Variants in IL23R observed in about 807,000 individuals in gnomAD.
The protein encoded by IL23R is interleukin 23 receptor, also known as interleukin-23 receptor.
A neutral mutation model predicts 56.9 loss-of-function variants in IL23R; 34 were observed. That is an observed-to-expected ratio of 0.60 (90% CI 0.45 to 0.80). The LOEUF is 0.80. Ranked by LOEUF, IL23R falls within the 30% of genes least tolerant of loss-of-function variation. The pLI, the probability that IL23R is intolerant of heterozygous loss-of-function variation, is 0.00. For synonymous variants in IL23R, 230 were observed against 249.2 expected (o/e 0.92, Z 0.73); for missense variants, 635 against 730.0 (o/e 0.87, Z 1.50).
rs1283342977 is a variant in IL23R at position 67,258,760 on chromosome 1, A to T, written c.1522A>T (p.Thr508Ser). 2 of 1,611,724 alleles carry T rather than the reference A, an allele frequency of 1.2e-6. No individual in the cohort carries two copies. The highest frequency in any genetic ancestry group is 1.7e-6 in the Non-Finnish European group (2 of 1,178,336). Residue 508 changes from threonine (T) to serine (S), a missense_variant, in exon 11 of 11, where the codon ACA (threonine) becomes TCA (serine). By Grantham distance (58) the Thr-to-Ser change is moderately conservative (BLOSUM62 1). Coordinates refer to ENST00000347310, the MANE Select transcript of IL23R (RefSeq NM_144701.3). ...CAATAATAATGAAATTACTTCCTTA[A>T]CACTTAAACCACCAGTTGATTCCTT... Reference protein sequence around the residue: ...LSNNNEITSLTLKPPVDSLDS... With the variant: ...LSNNNEITSLSLKPPVDSLDS...
At chr1:67,178,484 G>C (rs1043721540) in intron 3 of IL23R, among the ~76,000 whole-genome samples, 6 of 152,194 alleles carry the variant, frequency 3.9e-5, no homozygotes, top group African/African-American at 1.4e-4. Flanking sequence ...CTGAGACTTT[G>C]CTAAAGTTGC....
In IL23R at chr1:67,258,640, C is replaced by G. The variant is rs759458205; in HGVS notation, c.1402C>G (p.Leu468Val). Residue 468 changes from leucine to valine, a missense_variant, in exon 11 of 11, where the codon CTA (leucine) becomes GTA (valine). Physicochemically the swap from Leu to Val is conservative, Grantham distance 32 (BLOSUM62 1). Transcript: ENST00000347310. ...LETRDYPQNS[L>V]FDNTTVVYIP... ...GACAAGAGACTACCCGCAAAACTCG[C>G]TATTCGACAATACTACAGTTGTATA... is the stretch of plus-strand genomic sequence containing the variant. 6.2e-7 allele frequency: 1 copy of G among 1,613,956 alleles called. No homozygotes were observed. Among genetic ancestry groups the G allele is most frequent in the South Asian group, 1.1e-5 (1 of 91,046 alleles).
chr1:67,240,538 G>T (rs1019552175), intron 9 of IL23R, among the ~76,000 whole-genome samples: 2 of 152,180 alleles, frequency 1.3e-5, no homozygotes, highest in African/African-American at 4.8e-5. Context: ...GGCTTAAAGA[G>T]GCTAAGTCCT....
At chr1:67,159,336 G>A (rs946532553) in intron 1 of IL23R, among the ~76,000 whole-genome samples, 2 of 151,840 alleles carry the variant, frequency 1.3e-5, no homozygotes, top group Non-Finnish European at 2.9e-5. Context: ...TCCCCTGCTC[G>A]CTCTCTCTCC....
intron 7 of IL23R, among the ~76,000 whole-genome samples, chr1:67,233,354 A>G (rs886871099): frequency 4.6e-5 from 7 of 151,938 alleles, no homozygotes; most frequent in Non-Finnish European, 5.9e-5. Context: ...CAACAGAGGG[A>G]GATTCTGTCT....
At chr1:67,142,130 A>C (rs1321416763) in intron 1 of IL23R, among the ~76,000 whole-genome samples, 3 of 152,180 alleles carry the variant, frequency 2.0e-5, no homozygotes, top group African/African-American at 4.8e-5. Flanking sequence ...TTTTTAAAGG[A>C]CTTCAGCTCT....
downstream of IL23R, among the ~76,000 whole-genome samples, chr1:67,264,944 T>G (rs1273875738): frequency 6.6e-6 from 1 of 152,148 alleles, no homozygotes; most frequent in Non-Finnish European, 1.5e-5. Flanking sequence ...GAGACGGGGT[T>G]GGGGGGGAAC....
intron 1 of IL23R, among the ~76,000 whole-genome samples, chr1:67,158,572 T>C (rs565067776): frequency 6.6e-6 from 1 of 152,188 alleles, no homozygotes; most frequent in African/African-American, 2.4e-5. Context: ...GGGTGGTAAC[T>C]TCCAGGTGTT....
chr1:67,232,774 C>T (rs1374444658), intron 7 of IL23R, among the ~76,000 whole-genome samples: 2 of 152,144 alleles, frequency 1.3e-5, no homozygotes, highest in African/African-American at 4.8e-5. Flanking sequence ...TTGGCTGTGT[C>T]TCCACCCAAA....
intron 1 of IL23R, among the ~76,000 whole-genome samples, chr1:67,167,582 G>A (rs1376364644): frequency 6.6e-6 from 1 of 152,086 alleles, no homozygotes; most frequent in East Asian, 1.9e-4. Flanking sequence ...GCTCAGCCCA[G>A]GCACCATGGT....
At chr1:67,214,489 T>A (rs1000030177) in intron 6 of IL23R, among the ~76,000 whole-genome samples, 3 of 152,214 alleles carry the variant, frequency 2.0e-5, no homozygotes, top group Non-Finnish European at 4.4e-5. Context: ...TCAGTTCCAT[T>A]TGCCACTTCT....
At chr1:67,156,757 T>C (rs1052234305) in intron 1 of IL23R, among the ~76,000 whole-genome samples, 1 of 152,192 alleles carries the variant, frequency 6.6e-6, no homozygotes, top group African/African-American at 2.4e-5. Flanking sequence ...TCCATGGAAG[T>C]GGGACCTGCT....
intron 1 of IL23R, among the ~76,000 whole-genome samples, chr1:67,152,819 GC>G (rs1646740081): frequency 6.6e-6 from 1 of 152,174 alleles, no homozygotes; most frequent in African/African-American, 2.4e-5. Flanking sequence ...TGGTGGATAA[GC>G]TTTTTGATGT....
intron 5 of IL23R, among the ~76,000 whole-genome samples, chr1:67,205,615 A>G (rs1247623557): frequency 6.6e-6 from 1 of 152,250 alleles, no homozygotes; most frequent in Non-Finnish European, 1.5e-5. Flanking sequence ...ACCTCCTACT[A>G]TAACAAAACA....
chr1:67,195,235 G>A (rs181116061), intron 4 of IL23R, among the ~76,000 whole-genome samples: 33 of 152,200 alleles, frequency 2.2e-4, no homozygotes, highest in African/African-American at 7.5e-4. Flanking sequence ...GTTTCACCAC[G>A]TTGGCCAGGC....
intron 9 of IL23R, among the ~76,000 whole-genome samples, chr1:67,255,461 T>G (rs146364548): frequency 3.9e-5 from 6 of 152,060 alleles, no homozygotes; most frequent in African/African-American, 9.6e-5. Flanking sequence ...TTTTTTTGAG[T>G]CAGGGTCTCA....
At chr1:67,169,286 G>A (rs754562952) in intron 2 of IL23R, 56 bp from the exon 3 acceptor site, 19 of 1,326,738 alleles carry the variant, frequency 1.4e-5, no homozygotes, top group African/African-American at 2.9e-5. Flanking sequence ...ATATTCTTCT[G>A]AATCTCTTGA....
At chr1:67,186,854 C>A (rs1430670774) in intron 4 of IL23R, among the ~76,000 whole-genome samples, 1 of 152,176 alleles carries the variant, frequency 6.6e-6, no homozygotes, top group Non-Finnish European at 1.5e-5. Flanking sequence ...CTCCTGAGCT[C>A]AGGCAACCCT....
intron 5 of IL23R, 93 bp from the exon 6 acceptor site, chr1:67,206,817 T>G (rs1410264290): frequency 7.7e-7 from 1 of 1,295,788 alleles, no homozygotes; most frequent in Non-Finnish European, 1.1e-6. Flanking sequence ...TACTTTGAGC[T>G]TTCTCATATC....
Sources: gnomAD v4.1 joint callset for allele counts (sites outside exome capture counted in the v4.1 genomes callset) on GRCh38, gnomAD v4.1.1 for gene constraint, MANE v1.5 for transcripts, NCBI Gene and HGNC (gene_info 2026-07-23, HGNC 2026-07-21) for gene names.